Variants in GMDS observed in about 807,000 individuals in gnomAD.
GMDS encodes GDP-mannose 4,6 dehydratase.
GMDS carries 20 observed loss-of-function variants against 49.9 expected under a neutral mutation model. The ratio of observed to expected loss-of-function variants is 0.40; its 90% CI spans 0.28 to 0.58. The LOEUF (loss-of-function observed/expected upper bound fraction) is 0.58, where lower values mean the gene tolerates loss of function less well. GMDS is among the 20% of genes least tolerant of loss of function. GMDS has a pLI of 0.42. For missense variants in GMDS, 362 were observed against 481.4 expected, an observed-to-expected ratio of 0.75 and a Z score of 2.32; for synonymous variants, 177 against 178.6, an observed-to-expected ratio of 0.99 and a Z score of 0.07.
intron 7 of GMDS, among the ~76,000 whole-genome samples, chr6:1,855,540 T>C (rs1757903981): frequency 6.6e-6 from 1 of 152,078 alleles, no homozygotes; most frequent in African/African-American, 2.4e-5. Context: ...TCCCCAAGTA[T>C]TGAGAGGGTA....
At chr6:2,059,653 A>C (rs1209046385) in intron 4 of GMDS, among the ~76,000 whole-genome samples, 1 of 127,296 alleles carries the variant, frequency 7.9e-6, no homozygotes, top group Non-Finnish European at 1.6e-5. Flanking sequence ...GCTTGCAGTG[A>C]GCCGAGATCG....
intron 9 of GMDS, among the ~76,000 whole-genome samples, chr6:1,701,068 T>C (rs1450872468): frequency 6.6e-6 from 1 of 152,188 alleles, no homozygotes; most frequent in Admixed American, 6.5e-5. Context: ...AACTGTAGAA[T>C]GACTAGATAC....
Position 1,671,188 on chromosome 6 carries a change from C to T in GMDS, c.988-46648G>A, listed in dbSNP as rs554409185. Among the ~76,000 whole-genome samples the T allele has an allele frequency of 2.0e-5, 3 of 152,292 alleles. No homozygotes were observed. In the East Asian group the frequency reaches 5.8e-4, roughly 29 times the overall value. Reference sequence around the variant, plus strand: ...TCAGCGGCACTGAGCTTAGCTTTCTCGGCAACCTGTGACCTACAAAGACGC... The same window carrying T: ...TCAGCGGCACTGAGCTTAGCTTTCTTGGCAACCTGTGACCTACAAAGACGC... On this transcript the variant is annotated intron_variant, in intron 9 of 10. Transcript: ENST00000380815.
At position 2,016,513 on chromosome 6, in the gene GMDS, T is replaced by G. The variant is rs149533110; in HGVS notation, c.346-55547A>C. Among the ~76,000 whole-genome samples the G allele has an allele frequency of 2.8e-4, 42 of 152,326 alleles. No individual in the cohort carries two copies. The East Asian group carries it at 7.1e-3, about 26-fold the overall frequency. ...CAAATTCAGAACTATTATTGGATAT[T>G]TCAACAGTTTTATCAGTGATTGCTG... On this transcript the variant is annotated intron_variant, in intron 4 of 10. Transcript: ENST00000380815.
At chr6:1,715,171 G>A (rs954526195) in intron 9 of GMDS, among the ~76,000 whole-genome samples, 1 of 152,200 alleles carries the variant, frequency 6.6e-6, no homozygotes, top group African/African-American at 2.4e-5. Context: ...CAATAGAAAC[G>A]AAATATGACC....
chr6:1,753,199 G>C (rs2113526430), intron 7 of GMDS, among the ~76,000 whole-genome samples: 1 of 152,112 alleles, frequency 6.6e-6, no homozygotes, highest in African/African-American at 2.4e-5. Context: ...TATTTACGAA[G>C]CAAATGGAAA....
At chr6:1,755,783 G>A (rs778720135) in intron 7 of GMDS, among the ~76,000 whole-genome samples, 1 of 152,156 alleles carries the variant, frequency 6.6e-6, no homozygotes, top group Non-Finnish European at 1.5e-5. Context: ...AAAGACTTAA[G>A]TAAGTCCTAA....
chr6:1,793,205 A>G (rs770887102), intron 7 of GMDS, among the ~76,000 whole-genome samples: 4 of 152,054 alleles, frequency 2.6e-5, no homozygotes, highest in Non-Finnish European at 4.4e-5. Flanking sequence ...ACATTCCCCA[A>G]TGTCCTGTGT....
chr6:1,898,816 C>T (rs1181097714), intron 7 of GMDS, among the ~76,000 whole-genome samples: 1 of 152,138 alleles, frequency 6.6e-6, no homozygotes, highest in East Asian at 1.9e-4. Context: ...ATATTCCTTC[C>T]CACCTATGCT....
In GMDS at chr6:2,137,557, C is replaced by T. The variant is rs545064545; in HGVS notation, c.103-12826G>A. On this transcript the variant is annotated intron_variant, in intron 1 of 10. Coordinates refer to ENST00000380815, the MANE Select transcript of GMDS (RefSeq NM_001500.4). ...CCATGTTGGTCAGGCTGGTCTCAAACTCCCGACCTCAGGTGATCCACCCAC... is the reference window on the plus strand; with the variant it reads ...CCATGTTGGTCAGGCTGGTCTCAAATTCCCGACCTCAGGTGATCCACCCAC... Among the ~76,000 whole-genome samples, 15 of 152,322 alleles carry T rather than the reference C, an allele frequency of 9.8e-5. No homozygotes were observed. The South Asian group carries it at 2.9e-3, about 29-fold the overall frequency.
intron 4 of GMDS, among the ~76,000 whole-genome samples, chr6:2,100,621 G>A (rs907473602): frequency 5.9e-5 from 9 of 151,896 alleles, no homozygotes; most frequent in African/African-American, 2.2e-4. Context: ...AATACAAATG[G>A]AAGACTATTA....
At chr6:1,630,560 A>G (rs539781254) in intron 9 of GMDS, among the ~76,000 whole-genome samples, 1 of 152,356 alleles carries the variant, frequency 6.6e-6, no homozygotes, top group East Asian at 1.9e-4. Flanking sequence ...AGCAGAGGAA[A>G]GCACTTCTCA....
chr6:1,820,572 A>G (rs566746689), intron 7 of GMDS, among the ~76,000 whole-genome samples: 15 of 152,228 alleles, frequency 9.9e-5, no homozygotes, highest in Non-Finnish European at 1.3e-4. Flanking sequence ...CTGCAATTCC[A>G]TACAGATGAA....
intron 4 of GMDS, among the ~76,000 whole-genome samples, chr6:2,027,626 G>A (rs972700117): frequency 2.6e-5 from 4 of 152,080 alleles, no homozygotes; most frequent in African/African-American, 9.7e-5. Context: ...GCAGCTAAAG[G>A]CAAGGAAGAT....
At chr6:1,661,931 T>A (rs1221617032) in intron 9 of GMDS, among the ~76,000 whole-genome samples, 1 of 151,896 alleles carries the variant, frequency 6.6e-6, no homozygotes, top group Non-Finnish European at 1.5e-5. Flanking sequence ...CTGAGGGTCA[T>A]CAAAAACCCA....
At chr6:2,028,063 A>G (rs1768712929) in intron 4 of GMDS, among the ~76,000 whole-genome samples, 1 of 152,210 alleles carries the variant, frequency 6.6e-6, no homozygotes, top group Non-Finnish European at 1.5e-5. Context: ...CGCCTTAAAA[A>G]AATCTAGCTT....
At chr6:2,044,287 C>T (rs1172890159) in intron 4 of GMDS, among the ~76,000 whole-genome samples, 4 of 152,134 alleles carry the variant, frequency 2.6e-5, no homozygotes, top group African/African-American at 9.7e-5. Flanking sequence ...GCACTATTCG[C>T]AATAGAAGAC....
intron 4 of GMDS, among the ~76,000 whole-genome samples, chr6:2,109,872 C>G (rs1774447434): frequency 6.6e-6 from 1 of 152,188 alleles, no homozygotes; most frequent in Non-Finnish European, 1.5e-5. Context: ...AGGCCCTCAT[C>G]CACATTTCAG....
At chr6:2,043,197 T>G (rs1158273916) in intron 4 of GMDS, 2 of 152,260 alleles carry the variant, frequency 1.3e-5, no homozygotes, top group Non-Finnish European at 2.9e-5. Flanking sequence ...CTAGCTTACA[T>G]GGCTTCACAA....
Sources: gnomAD v4.1 joint callset for allele counts (sites outside exome capture counted in the v4.1 genomes callset) on GRCh38, gnomAD v4.1.1 for gene constraint, MANE v1.5 for transcripts, NCBI Gene and HGNC (gene_info 2026-07-23, HGNC 2026-07-21) for gene names.